C8orf34: variants seen among roughly 807,000 people sequenced by gnomAD.
The protein encoded by C8orf34 is chromosome 8 open reading frame 34, also known as uncharacterized protein C8orf34.
A neutral mutation model predicts 68.3 loss-of-function variants in C8orf34; 65 were observed. That is an observed-to-expected ratio of 0.95 (90% CI 0.78 to 1.17). The LOEUF is 1.17. Ranked by LOEUF, C8orf34 falls within the 50% of genes most tolerant of loss-of-function variation. C8orf34 has a pLI of 0.00. For synonymous variants in C8orf34, 244 were observed against 241.2 expected, an observed-to-expected ratio of 1.01 and a Z score of -0.11; for missense variants, 664 against 655.4, an observed-to-expected ratio of 1.01 and a Z score of -0.14.
intron 6 of C8orf34, among the ~76,000 whole-genome samples, chr8:68,526,596 A>G (rs148281088): frequency 3.3e-5 from 5 of 152,000 alleles, no homozygotes; most frequent in Non-Finnish European, 2.9e-5. Flanking sequence ...ATAAAAATCT[A>G]TATGCAACAA....
At chr8:68,562,642 T>C (rs1816467967) in intron 7 of C8orf34, among the ~76,000 whole-genome samples, 1 of 152,156 alleles carries the variant, frequency 6.6e-6, no homozygotes, top group South Asian at 2.1e-4. Context: ...TTTGTTGTTG[T>C]TGTTGTTTGT....
At chr8:68,581,989 A>T (rs1817079348) in intron 7 of C8orf34, among the ~76,000 whole-genome samples, 1 of 152,154 alleles carries the variant, frequency 6.6e-6, no homozygotes, top group East Asian at 1.9e-4. Context: ...TAGAGGAGGT[A>T]AAAACAAAAT....
intron 7 of C8orf34, among the ~76,000 whole-genome samples, chr8:68,575,037 G>GTAAAATAATAAGTTTATA (rs1206056123): frequency 6.6e-6 from 1 of 151,682 alleles, no homozygotes; most frequent in African/African-American, 2.4e-5. Flanking sequence ...CTATTTTAAA[G>GTAAAATAATAAGTTTATA]TAAAATAATA....
chr8:68,383,106 A>G (rs568336010), intron 1 of C8orf34, among the ~76,000 whole-genome samples: 1 of 152,304 alleles, frequency 6.6e-6, no homozygotes, highest in Non-Finnish European at 1.5e-5. Context: ...AGGAAATCTG[A>G]AAGTCAGGAA....
chr8:68,477,247 AG>A (rs1812659675), intron 4 of C8orf34, among the ~76,000 whole-genome samples: 1 of 152,224 alleles, frequency 6.6e-6, no homozygotes, highest in Non-Finnish European at 1.5e-5. Flanking sequence ...AATCAGGGGT[AG>A]GGACTTCTAT....
chr8:68,432,059 T>C (rs1221700046), intron 1 of C8orf34, among the ~76,000 whole-genome samples: 1 of 152,084 alleles, frequency 6.6e-6, no homozygotes, highest in Non-Finnish European at 1.5e-5. Flanking sequence ...AAGATCTTAC[T>C]CCTGAGGCCT....
intron 3 of C8orf34, among the ~76,000 whole-genome samples, chr8:68,460,726 G>A (rs1335381656): frequency 1.3e-5 from 2 of 152,342 alleles, no homozygotes; most frequent in East Asian, 1.9e-4. Flanking sequence ...ACCTGCAGCT[G>A]AGGGTCCTGT....
At chr8:68,765,143 C>T (rs549002642) in intron 10 of C8orf34, among the ~76,000 whole-genome samples, 1 of 152,284 alleles carries the variant, frequency 6.6e-6, no homozygotes, top group South Asian at 2.1e-4. Flanking sequence ...GGGATTTGTC[C>T]TTGTCCTCAT....
At chr8:68,610,884 G>A (rs559621979) in intron 7 of C8orf34, among the ~76,000 whole-genome samples, 9 of 85,946 alleles carry the variant, frequency 1.0e-4, no homozygotes, top group Non-Finnish European at 1.5e-4. Flanking sequence ...TTTTTTTTGA[G>A]ACAGAGTTTT....
At chr8:68,608,400 G>A (rs750965605) in intron 7 of C8orf34, among the ~76,000 whole-genome samples, 2 of 151,926 alleles carry the variant, frequency 1.3e-5, no homozygotes, top group Non-Finnish European at 2.9e-5. Flanking sequence ...ATGGGGAGAG[G>A]GTTAAAGAGC....
chr8:68,465,619 C>A (rs1480748670), intron 3 of C8orf34, among the ~76,000 whole-genome samples: 1 of 151,998 alleles, frequency 6.6e-6, no homozygotes, highest in African/African-American at 2.4e-5. Flanking sequence ...TACTATGCAG[C>A]CATAAAAAAT....
At chr8:68,744,561 C>A (rs1463551870) in intron 10 of C8orf34, among the ~76,000 whole-genome samples, 13 of 151,790 alleles carry the variant, frequency 8.6e-5, no homozygotes, top group Admixed American at 8.5e-4. Context: ...AGCTGAAAAC[C>A]AAGGCTCGAG....
chr8:68,680,806 A>C (rs1585720344), intron 8 of C8orf34, among the ~76,000 whole-genome samples: 1 of 152,114 alleles, frequency 6.6e-6, no homozygotes, highest in African/African-American at 2.4e-5. Context: ...AACCAGTCTG[A>C]CCACAAATTT....
chr8:68,353,592 A>G (rs1331412092), intron 1 of C8orf34, among the ~76,000 whole-genome samples: 1 of 147,202 alleles, frequency 6.8e-6, no homozygotes, highest in Non-Finnish European at 1.5e-5. Flanking sequence ...CAGTTGATGT[A>G]TATATATACA....
At chr8:68,529,964 C>T (rs1285234064) in intron 6 of C8orf34, among the ~76,000 whole-genome samples, 1 of 152,022 alleles carries the variant, frequency 6.6e-6, no homozygotes, top group Non-Finnish European at 1.5e-5. Context: ...AACAGTTATA[C>T]TTTGTGAATT....
intron 10 of C8orf34, among the ~76,000 whole-genome samples, chr8:68,730,379 A>G (rs549523047): frequency 1.3e-5 from 2 of 152,274 alleles, no homozygotes; most frequent in East Asian, 3.9e-4. Context: ...CTCATCAGCT[A>G]AGATGCCAAT....
intron 1 of C8orf34, among the ~76,000 whole-genome samples, chr8:68,390,233 G>C (rs551093341): frequency 2.0e-5 from 3 of 152,102 alleles, no homozygotes; most frequent in South Asian, 4.1e-4. Context: ...CTGTGCCCTG[G>C]ACAGCCCCTT....
intron 10 of C8orf34, among the ~76,000 whole-genome samples, chr8:68,725,553 A>G (rs1821805436): frequency 6.6e-6 from 1 of 152,226 alleles, no homozygotes; most frequent in Non-Finnish European, 1.5e-5. Flanking sequence ...AGCACTTTTT[A>G]ATTATTAAGT....
intron 12 of C8orf34, among the ~76,000 whole-genome samples, chr8:68,793,190 CT>C (rs1461576994): frequency 6.6e-6 from 1 of 151,926 alleles, no homozygotes; most frequent in African/African-American, 2.4e-5. Flanking sequence ...GAAAGAAAAT[CT>C]AAAAAACAAC....
Sources: gnomAD v4.1 joint callset for allele counts (sites outside exome capture counted in the v4.1 genomes callset) on GRCh38, gnomAD v4.1.1 for gene constraint, MANE v1.5 for transcripts, NCBI Gene and HGNC (gene_info 2026-07-23, HGNC 2026-07-21) for gene names.